TMEFF2: variants seen among roughly 807,000 people sequenced by gnomAD.
TMEFF2 encodes the protein transmembrane protein with EGF like and two follistatin like domains 2.
Under a neutral mutation model 53.8 loss-of-function variants are expected in TMEFF2, and 28 were observed. That is an observed-to-expected ratio of 0.52 (90% confidence interval 0.39 to 0.71). TMEFF2 has a LOEUF of 0.71. Among genes scored for constraint, TMEFF2 ranks in the 30% least tolerant of loss-of-function variants. The pLI, the probability that TMEFF2 is intolerant of heterozygous loss-of-function variation, is 0.00. For synonymous variants in TMEFF2, 162 were observed against 166.3 expected (o/e 0.97, Z 0.20); for missense variants, 353 against 455.2 (o/e 0.78, Z 2.04).
intron 4 of TMEFF2, among the ~76,000 whole-genome samples, chr2:192,109,636 A>G (rs986244776): frequency 2.6e-5 from 4 of 152,088 alleles, no homozygotes; most frequent in Admixed American, 2.0e-4. Flanking sequence ...GACGCACTAC[A>G]TATGGTGGGG....
chr2:192,026,135 C>G (rs1686965496), intron 5 of TMEFF2, among the ~76,000 whole-genome samples: 1 of 152,178 alleles, frequency 6.6e-6, no homozygotes, highest in Non-Finnish European at 1.5e-5. Context: ...TTCACAGTAT[C>G]ATAAACCTGA....
intron 4 of TMEFF2, among the ~76,000 whole-genome samples, chr2:192,084,024 T>A (rs992703528): frequency 7.2e-5 from 11 of 152,146 alleles, no homozygotes; most frequent in African/African-American, 2.7e-4. Context: ...TAGTTGTGTA[T>A]ATTTCTAATT....
intron 4 of TMEFF2, among the ~76,000 whole-genome samples, chr2:192,074,934 T>A (rs190412565): frequency 1.3e-5 from 2 of 151,986 alleles, no homozygotes; most frequent in East Asian, 3.9e-4. Flanking sequence ...ATATGTGTGG[T>A]GTGTCTATGT....
intron 8 of TMEFF2, among the ~76,000 whole-genome samples, chr2:191,955,492 G>A (rs976140001): frequency 7.2e-6 from 1 of 139,106 alleles, no homozygotes; most frequent in Admixed American, 7.5e-5. Flanking sequence ...CTGGACTACA[G>A]GTTGCATGCC....
chr2:192,027,753 C>A (rs1574301613), intron 5 of TMEFF2: 1 of 152,202 alleles, frequency 6.6e-6, no homozygotes, highest in South Asian at 2.1e-4. Flanking sequence ...TATTCTTAAT[C>A]ATTTTAGCTT....
intron 5 of TMEFF2, among the ~76,000 whole-genome samples, chr2:192,019,685 G>T (rs141116558): frequency 2.0e-5 from 3 of 150,846 alleles, no homozygotes; most frequent in Admixed American, 2.0e-4. Context: ...GGCTTTTCCT[G>T]ATGATATATT....
intron 5 of TMEFF2, among the ~76,000 whole-genome samples, chr2:192,053,881 G>A (rs1687834066): frequency 6.6e-6 from 1 of 151,930 alleles, no homozygotes; most frequent in Non-Finnish European, 1.5e-5. Context: ...TGCCCTTCAT[G>A]GCCATGACTA....
intron 5 of TMEFF2, chr2:192,028,850 A>G (rs1268767196): frequency 1.3e-5 from 2 of 152,190 alleles, no homozygotes; most frequent in Non-Finnish European, 2.9e-5. Context: ...CAATATAAAA[A>G]TGAATGGTAA....
chr2:192,099,248 G>A (rs1173221546), intron 4 of TMEFF2, among the ~76,000 whole-genome samples: 1 of 152,032 alleles, frequency 6.6e-6, no homozygotes, highest in Non-Finnish European at 1.5e-5. Flanking sequence ...CTGAAACTCT[G>A]GGTAACTATT....
At chr2:192,048,361 A>AACACACACACACACACACACACACAC (rs3053696) in intron 5 of TMEFF2, among the ~76,000 whole-genome samples, 4 of 143,168 alleles carry the variant, frequency 2.8e-5, no homozygotes, top group Non-Finnish European at 6.1e-5. Context: ...ATTCTCATAA[A>AACACACACACACACACACACACACAC]ACACACACAC....
At chr2:192,062,443 AT>A (rs1281752498) in intron 4 of TMEFF2, among the ~76,000 whole-genome samples, 8 of 152,130 alleles carry the variant, frequency 5.3e-5, no homozygotes, top group Non-Finnish European at 2.9e-5. Flanking sequence ...GGAAATTATA[AT>A]TGGGTATTTA....
At chr2:191,984,693 C>T (rs373626451) in intron 7 of TMEFF2, among the ~76,000 whole-genome samples, 2 of 151,680 alleles carry the variant, frequency 1.3e-5, no homozygotes, top group East Asian at 3.9e-4. Flanking sequence ...ACATGTTGAG[C>T]CCAATAAACT....
In TMEFF2 at chr2:192,194,726, C is replaced by T; in HGVS notation, c.-202G>A. 1.7e-6 allele frequency: 1 copy of T among 604,012 alleles called. No individual in the cohort carries two copies. The highest frequency in any genetic ancestry group is 3.0e-5 in the Admixed American group (1 of 33,434). The allele number at this position is 604,012 out of a possible 1,614,324, so 37.4% of individuals were successfully genotyped here. On this transcript the variant is annotated 5_prime_UTR_variant, in exon 1 of 10. Coordinates refer to ENST00000272771, the MANE Select transcript of TMEFF2 (RefSeq NM_016192.4). This position sits in a 1 kb window ranked among gnomAD's most constrained non-coding sequence, Gnocchi z 4.2. ...CAACATCCAGGGACTGGGCTCAGCC[C>T]CGGAGCGAGAGGGTCGTCCGCTGAG...
intron 7 of TMEFF2, among the ~76,000 whole-genome samples, chr2:191,997,479 T>C (rs1686251435): frequency 6.6e-6 from 1 of 151,700 alleles, no homozygotes; most frequent in Non-Finnish European, 1.5e-5. Flanking sequence ...ACCATAAATC[T>C]AGTTATGATT....
intron 5 of TMEFF2, chr2:192,037,064 G>C (rs1382448238): frequency 6.6e-6 from 1 of 151,914 alleles, no homozygotes; most frequent in African/African-American, 2.4e-5. Flanking sequence ...TATTCCCAGG[G>C]CTCAGACAGA....
chr2:191,968,080 T>C (rs932063187), intron 7 of TMEFF2, among the ~76,000 whole-genome samples: 5 of 152,220 alleles, frequency 3.3e-5, no homozygotes, highest in African/African-American at 1.2e-4. Context: ...TCTCCAGGCT[T>C]CTTTAATGAC....
At chr2:192,121,085 T>A (rs1689541098) in intron 4 of TMEFF2, among the ~76,000 whole-genome samples, 1 of 150,944 alleles carries the variant, frequency 6.6e-6, no homozygotes, top group African/African-American at 2.4e-5. Context: ...CTACTAAGTA[T>A]CAGAGAAGAG....
chr2:192,111,018 C>T (rs192257705), intron 4 of TMEFF2, among the ~76,000 whole-genome samples: 2 of 152,258 alleles, frequency 1.3e-5, no homozygotes, highest in East Asian at 1.9e-4. Flanking sequence ...TCCCTGGCCA[C>T]GTGTAACTGT....
chr2:191,981,049 C>A (rs1685840739), intron 7 of TMEFF2, among the ~76,000 whole-genome samples: 1 of 151,936 alleles, frequency 6.6e-6, no homozygotes, highest in Non-Finnish European at 1.5e-5. Flanking sequence ...CCCTCTCTAG[C>A]CTGTTCTTCA....
Sources: allele counts gnomAD v4.1 joint callset (sites outside exome capture counted in the v4.1 genomes callset), GRCh38; gene constraint gnomAD v4.1.1; non-coding constraint Gnocchi (gnomAD v3.1); transcripts MANE v1.5; gene names NCBI Gene and HGNC (gene_info 2026-07-23, HGNC 2026-07-21).